Variants in TYW1B observed in about 807,000 individuals in gnomAD.
TYW1B encodes the protein S-adenosyl-L-methionine-dependent tRNA 4-demethylwyosine synthase TYW1B.
In TYW1B, 73 loss-of-function variants were observed where a neutral mutation model predicts 86.9. The observed-to-expected ratio is 0.84, with a 90% CI of 0.70 to 1.02. TYW1B has a LOEUF of 1.02. Among genes scored for constraint, TYW1B ranks in the 50% least tolerant of loss-of-function variants. The pLI, the probability that TYW1B is intolerant of heterozygous loss-of-function variation, is 0.00. For missense variants in TYW1B, 637 were observed against 827.4 expected (o/e 0.77, Z 2.82); for synonymous variants, 248 against 292.8 (o/e 0.85, Z 1.56).
At chr7:72,580,040 C>T (rs1414025523) in intron 13 of TYW1B, among the ~76,000 whole-genome samples, 1 of 152,122 alleles carries the variant, frequency 6.6e-6, no homozygotes, top group Admixed American at 6.6e-5. Flanking sequence ...CCTTTGAAAC[C>T]CCATCTCCAA....
chr7:72,747,091 C>T (rs1282468283), intron 7 of TYW1B, among the ~76,000 whole-genome samples: 2 of 152,032 alleles, frequency 1.3e-5, no homozygotes, highest in Non-Finnish European at 2.9e-5. Context: ...TTGAAAATTT[C>T]AACATGGAAC....
chr7:72,617,211 C>T (rs1258554575), intron 12 of TYW1B, among the ~76,000 whole-genome samples: 13 of 152,180 alleles, frequency 8.5e-5, no homozygotes, highest in Non-Finnish European at 1.8e-4. Flanking sequence ...CCCCTTAGGA[C>T]AATAATGGGG....
chr7:72,753,573 C>A (rs547503578), intron 7 of TYW1B, among the ~76,000 whole-genome samples: 7 of 151,642 alleles, frequency 4.6e-5, no homozygotes, highest in Non-Finnish European at 1.0e-4. Context: ...CTCTGCCACC[C>A]GGGTTCAAGT....
At chr7:72,754,961 T>C (rs1554465733) in intron 7 of TYW1B, among the ~76,000 whole-genome samples, 1 of 152,214 alleles carries the variant, frequency 6.6e-6, no homozygotes, top group Admixed American at 6.6e-5. Flanking sequence ...AAATTTACTT[T>C]AACAATAGTA....
chr7:72,677,852 C>T (rs1813770874), intron 11 of TYW1B, among the ~76,000 whole-genome samples: 1 of 152,080 alleles, frequency 6.6e-6, no homozygotes, highest in South Asian at 2.1e-4. Context: ...CAGGTGCCTG[C>T]CACCATGCCC....
rs543572071 is a variant in TYW1B at position 72,795,801 on chromosome 7, A to ATTTGT, written c.846+6594_846+6598dup. On this transcript the variant is annotated intron_variant, in intron 6 of 13. Transcript: ENST00000620995. ...TTTCACACAATCCTTGCTTAAACCA[A>ATTTGT]TTTGTTTTGTTTTGTTTTGTTTTTG... Among the ~76,000 whole-genome samples the ATTTGT allele has an allele frequency of 2.3e-3, 185 of 81,516 alleles. 1 individual carries two copies. The highest frequency in any genetic ancestry group is 8.9e-3 in the African/African-American group (176 of 19,790). 53.5% of individuals were successfully genotyped at this position (81,516 alleles called of 152,430 possible). A position where few individuals can be genotyped will look rare whatever the true frequency, so the allele number is the denominator to read the frequency against.
intron 2 of TYW1B, among the ~76,000 whole-genome samples, chr7:72,823,711 T>C (rs1372387932): frequency 6.6e-6 from 1 of 152,108 alleles, no homozygotes; most frequent in Non-Finnish European, 1.5e-5. Flanking sequence ...GATGGCTATC[T>C]ACCCCAAAAT....
intron 9 of TYW1B, among the ~76,000 whole-genome samples, chr7:72,726,984 AACTC>A (rs1371776834): frequency 1.3e-5 from 2 of 152,090 alleles, no homozygotes; most frequent in Non-Finnish European, 2.9e-5. Flanking sequence ...ATCTCGTGAG[AACTC>A]ACTCACTATC....
chr7:72,714,340 G>C (rs1469766186), intron 9 of TYW1B, among the ~76,000 whole-genome samples: 1 of 152,096 alleles, frequency 6.6e-6, no homozygotes, highest in African/African-American at 2.4e-5. Context: ...CTACAGGCCA[G>C]GCGCAGTAGC....
At chr7:72,645,019 C>T (rs782540160) in intron 11 of TYW1B, among the ~76,000 whole-genome samples, 8 of 151,870 alleles carry the variant, frequency 5.3e-5, no homozygotes, top group Non-Finnish European at 8.8e-5. Context: ...AGTAGAGATG[C>T]GGTTTCACCG....
At chr7:72,683,773 A>G (rs1299596508) in intron 11 of TYW1B, among the ~76,000 whole-genome samples, 1 of 152,210 alleles carries the variant, frequency 6.6e-6, no homozygotes, top group African/African-American at 2.4e-5. Flanking sequence ...ACAAGCATCC[A>G]AACCAGGCTC....
At chr7:72,594,266 G>A (rs1585833204) in intron 13 of TYW1B, among the ~76,000 whole-genome samples, 1 of 151,484 alleles carries the variant, frequency 6.6e-6, no homozygotes. Flanking sequence ...ACCTTTAGCT[G>A]GATGAATTTT....
intron 13 of TYW1B, among the ~76,000 whole-genome samples, chr7:72,586,740 A>AATC (rs1298010106): frequency 1.1e-5 from 1 of 93,078 alleles, no homozygotes; most frequent in African/African-American, 3.1e-5. Context: ...CCCATCTCAA[A>AATC]ATAATAATAA....
At chr7:72,781,247 C>A (rs537185383) in intron 6 of TYW1B, among the ~76,000 whole-genome samples, 1 of 151,988 alleles carries the variant, frequency 6.6e-6, no homozygotes, top group East Asian at 1.9e-4. Flanking sequence ...ACAAGCAGAA[C>A]CAAAGGGCTC....
rs1483742231 is a variant in TYW1B, at chr7:72,703,011, TATATATATATATATA to T, written c.1371-8204_1371-8190del. Reference sequence around the variant, plus strand: ...CTATATATATATATATATATATATATATATATATATATATATTTTTTTTTTTTTTTTGAGATGGAG... The same window carrying T: ...CTATATATATATATATATATATATATTTTTTTTTTTTTTTTTGAGATGGAG... On this transcript the variant is annotated intron_variant, in intron 10 of 13. Coordinates refer to ENST00000620995, the MANE Select transcript of TYW1B (RefSeq NM_001145440.3). Among the ~76,000 whole-genome samples, 64 of 32,236 alleles carry T rather than the reference TATATATATATATATA, an allele frequency of 2.0e-3. 1 individual carries two copies. The highest frequency in any genetic ancestry group is 3.2e-3 in the African/African-American group (32 of 10,154). 21.1% of individuals were successfully genotyped at this position (32,236 alleles called of 152,430 possible). A position where few individuals can be genotyped will look rare whatever the true frequency, so the allele number is the denominator to read the frequency against.
At chr7:72,581,794 C>T (rs188927118) in intron 13 of TYW1B, among the ~76,000 whole-genome samples, 118 of 151,962 alleles carry the variant, frequency 7.8e-4, no homozygotes, top group African/African-American at 2.7e-3. Context: ...TGGCCAGGCG[C>T]AGACACTCTG....
intron 8 of TYW1B, among the ~76,000 whole-genome samples, chr7:72,743,638 G>T (rs1787343193): frequency 6.6e-6 from 1 of 152,048 alleles, no homozygotes; most frequent in Admixed American, 6.6e-5. Flanking sequence ...GAGGTCAGGA[G>T]TTCAAAACCG....
At chr7:72,752,756 C>CAAACAAACAAAA (rs1338552826) in intron 7 of TYW1B, among the ~76,000 whole-genome samples, 1 of 151,456 alleles carries the variant, frequency 6.6e-6, no homozygotes, top group Non-Finnish European at 1.5e-5. Flanking sequence ...AACAAACAAA[C>CAAACAAACAAAA]AAAAAAACCT....
In TYW1B at chr7:72,791,515, C is replaced by T. The variant is rs1788218527; in HGVS notation, c.846+10885G>A. On this transcript the variant is annotated intron_variant, in intron 6 of 13. Coordinates refer to ENST00000620995, the MANE Select transcript of TYW1B (RefSeq NM_001145440.3). ...AGAACAGGACGGGCACAGTGGCTCA[C>T]GCCTGTAATCCCAGCACTTTGGGAG... Among the ~76,000 whole-genome samples the T allele has an allele frequency of 2.6e-5, 4 of 152,116 alleles. No individual in the cohort carries two copies. In the South Asian group the frequency reaches 6.2e-4, roughly 24 times the overall value.
Sources: allele counts gnomAD v4.1 joint callset (sites outside exome capture counted in the v4.1 genomes callset), GRCh38; gene constraint gnomAD v4.1.1; transcripts MANE v1.5; gene names NCBI Gene and HGNC (gene_info 2026-07-23, HGNC 2026-07-21).